MEMO1: variants seen among roughly 807,000 people sequenced by gnomAD.
The protein encoded by MEMO1 is mediator of cell motility 1.
Under a neutral mutation model 45.2 loss-of-function variants are expected in MEMO1, and 6 were observed. That is an observed-to-expected ratio of 0.13 (90% CI 0.07 to 0.26). The LOEUF (loss-of-function observed/expected upper bound fraction) is 0.26. Among genes scored for constraint, MEMO1 ranks in the 10% least tolerant of loss-of-function variants. MEMO1 has a pLI of 1.00. For synonymous variants in MEMO1, 78 were observed against 124.3 expected, an observed-to-expected ratio of 0.63 and a Z score of 2.48; for missense variants, 184 against 370.5, an observed-to-expected ratio of 0.50 and a Z score of 4.13.
chr2:31,990,605 C>T (rs1273980521), intron 2 of MEMO1, among the ~76,000 whole-genome samples: 20 of 129,292 alleles, frequency 1.5e-4, no homozygotes, highest in South Asian at 7.1e-4. Context: ...AGACAAATTT[C>T]GCCATGTTGC....
At chr2:32,010,687 C>G (rs1674800386) in intron 1 of MEMO1, 1 of 149,732 alleles carries the variant, frequency 6.7e-6, no homozygotes, top group Middle Eastern at 3.5e-3. Flanking sequence ...CCCCCCACCC[C>G]CCGCGGGGCT....
intron 2 of MEMO1, among the ~76,000 whole-genome samples, chr2:31,995,201 C>A (rs1672439305): frequency 6.6e-6 from 1 of 152,082 alleles, no homozygotes; most frequent in African/African-American, 2.4e-5. Flanking sequence ...CCTGTAATCC[C>A]AGCACTTTGG....
chr2:31,876,720 C>T lies in MEMO1; in HGVS notation c.657+6666G>A, dbSNP rs1674622833. 2.6e-5 allele frequency among the ~76,000 whole-genome samples: 4 copies of T among 151,908 alleles called. No homozygotes were observed. In the South Asian group the frequency reaches 8.3e-4, roughly 32 times the overall value. ...ACCAAAAACATTTTGGTCCTTATGGCCTAAATAAATAATGCAACCATCGAA... is the reference window on the plus strand; with the variant it reads ...ACCAAAAACATTTTGGTCCTTATGGTCTAAATAAATAATGCAACCATCGAA... On this transcript the variant is annotated intron_variant, in intron 8 of 9. Transcript: ENST00000404530.
In MEMO1 at chr2:31,963,875, A is replaced by G. The variant is rs74893469; in HGVS notation, c.62-20492T>C. On this transcript the variant is annotated intron_variant, in intron 2 of 9. Coordinates refer to ENST00000404530, the MANE Select transcript of MEMO1 (RefSeq NM_001301833.4). The stretch of plus-strand genomic sequence containing the variant: ...AATGTGGCTAATACTGAGATGTGCT[A>G]TAAGTATAAAATACACACCAAATTT... Among the ~76,000 whole-genome samples the G allele has an allele frequency of 3.9e-3, 591 of 152,346 alleles. 4 individuals carry two copies. Among genetic ancestry groups the G allele is most frequent in the African/African-American group, 0.013 (524 of 41,566 alleles).
chr2:31,997,643 T>C (rs563627732), intron 2 of MEMO1, among the ~76,000 whole-genome samples: 1 of 152,286 alleles, frequency 6.6e-6, no homozygotes, highest in Admixed American at 6.5e-5. Context: ...CTTGACATAC[T>C]TGGGGAACAG....
At chr2:31,995,269 T>C (rs1036313561) in intron 2 of MEMO1, among the ~76,000 whole-genome samples, 1 of 151,916 alleles carries the variant, frequency 6.6e-6, no homozygotes, top group Non-Finnish European at 1.5e-5. Context: ...CTGGCCAATA[T>C]GGTGAAACCT....
chr2:31,963,434 CA>C (rs1668255457), intron 2 of MEMO1: 1 of 657,534 alleles, frequency 1.5e-6, no homozygotes, highest in Non-Finnish European at 2.2e-6. Context: ...CAGGTGAAAA[CA>C]AAATATTCCC....
At chr2:31,932,955 C>T (rs1410240810) in intron 3 of MEMO1, among the ~76,000 whole-genome samples, 1 of 151,954 alleles carries the variant, frequency 6.6e-6, no homozygotes, top group Non-Finnish European at 1.5e-5. Flanking sequence ...TCTTATCACG[C>T]ACAGAATGAC....
intron 9 of MEMO1, among the ~76,000 whole-genome samples, chr2:31,869,107 A>C (rs187597531): frequency 6.6e-6 from 1 of 152,240 alleles, no homozygotes; most frequent in East Asian, 1.9e-4. Flanking sequence ...AAAAACCCAC[A>C]ATATATTACC....
intron 2 of MEMO1, among the ~76,000 whole-genome samples, chr2:31,998,265 G>A (rs62142086): frequency 6.8e-4 from 104 of 152,036 alleles, no homozygotes; most frequent in South Asian, 4.0e-3. Flanking sequence ...CTCCCACCTC[G>A]GCCTCCCAAA....
intron 6 of MEMO1, among the ~76,000 whole-genome samples, chr2:31,906,059 G>A (rs530628909): frequency 6.7e-6 from 1 of 149,830 alleles, no homozygotes; most frequent in African/African-American, 2.5e-5. Flanking sequence ...TGCAACCTCT[G>A]CCTCCTGGGT....
At chr2:31,989,487 AT>A (rs1200155686) in intron 2 of MEMO1, among the ~76,000 whole-genome samples, 2 of 152,186 alleles carry the variant, frequency 1.3e-5, no homozygotes, top group Non-Finnish European at 2.9e-5. Flanking sequence ...ATAAACAAAT[AT>A]TTTCCAACTG....
chr2:31,954,558 C>A (rs1004473412), intron 2 of MEMO1, among the ~76,000 whole-genome samples: 3 of 152,172 alleles, frequency 2.0e-5, no homozygotes, highest in African/African-American at 4.8e-5. Flanking sequence ...CCCAGCCAGG[C>A]ACAGTGGCTC....
intron 3 of MEMO1, among the ~76,000 whole-genome samples, chr2:31,935,870 C>T (rs1664861976): frequency 6.6e-6 from 1 of 152,138 alleles, no homozygotes; most frequent in Non-Finnish European, 1.5e-5. Flanking sequence ...TTGTGCATAA[C>T]AGCCAAAACA....
chr2:31,894,529 T>C (rs184984949), intron 6 of MEMO1, among the ~76,000 whole-genome samples: 10 of 152,186 alleles, frequency 6.6e-5, no homozygotes, highest in African/African-American at 2.4e-4. Flanking sequence ...TTTCCACACA[T>C]CCTGAAGAGA....
chr2:31,874,369 T>G (rs1485276831), intron 8 of MEMO1, among the ~76,000 whole-genome samples: 1 of 152,112 alleles, frequency 6.6e-6, no homozygotes, highest in Non-Finnish European at 1.5e-5. Context: ...TACAAGACTT[T>G]CAGAGTTTAG....
intron 6 of MEMO1, among the ~76,000 whole-genome samples, chr2:31,894,028 T>C (rs1050156175): frequency 1.3e-5 from 2 of 152,196 alleles, no homozygotes; most frequent in Non-Finnish European, 2.9e-5. Context: ...GTAATACTAC[T>C]AGGATTTAAA....
intron 4 of MEMO1, among the ~76,000 whole-genome samples, chr2:31,923,068 T>C (rs938128501): frequency 4.6e-5 from 7 of 152,160 alleles, no homozygotes; most frequent in African/African-American, 1.7e-4. Context: ...CCACAATGAT[T>C]GAATCAATTT....
chr2:31,913,135 G>C (rs1455163131), intron 6 of MEMO1, among the ~76,000 whole-genome samples: 3 of 151,464 alleles, frequency 2.0e-5, no homozygotes, highest in Non-Finnish European at 4.4e-5. Flanking sequence ...CATGGTGGCA[G>C]GTGCCTGTAA....
Sources: allele counts gnomAD v4.1 joint callset (sites outside exome capture counted in the v4.1 genomes callset), GRCh38; gene constraint gnomAD v4.1.1; transcripts MANE v1.5; gene names NCBI Gene and HGNC (gene_info 2026-07-23, HGNC 2026-07-21).